GABRA1: variants seen among roughly 807,000 people sequenced by gnomAD.
GABRA1 encodes gamma-aminobutyric acid receptor subunit alpha-1.
GABRA1 carries 9 observed loss-of-function variants against 48.9 expected under a neutral mutation model. The ratio of observed to expected loss-of-function variants is 0.18; its 90% CI spans 0.11 to 0.32. GABRA1 has a LOEUF of 0.32. Ranked by LOEUF, GABRA1 falls within the 10% of genes least tolerant of loss-of-function variation. The pLI is 1.00. For missense variants in GABRA1, 285 were observed against 553.8 expected (o/e 0.51, Z 4.87); for synonymous variants, 210 against 198.7 (o/e 1.06, Z -0.48).
intron 6 of GABRA1, 71 bp from the exon 7 acceptor site, chr5:161,882,487 G>T: frequency 7.1e-7 from 1 of 1,404,916 alleles, no homozygotes; most frequent in African/African-American, 1.4e-5. Context: ...TGAAGCTGAT[G>T]AAAGGTACCA....
intron 6 of GABRA1, among the ~76,000 whole-genome samples, chr5:161,881,023 C>A (rs148557652): frequency 0.011 from 1,678 of 152,262 alleles, 17 homozygotes; most frequent in Non-Finnish European, 0.017. Context: ...CAGGTTGCTA[C>A]AAAGATGAAT....
At chr5:161,862,617 C>T (rs915142799) in intron 3 of GABRA1, among the ~76,000 whole-genome samples, 1 of 151,760 alleles carries the variant, frequency 6.6e-6, no homozygotes, top group Non-Finnish European at 1.5e-5. Context: ...ATATGTTTTT[C>T]CTAAAGTAAG....
intron 7 of GABRA1, among the ~76,000 whole-genome samples, chr5:161,890,578 CTCAG>C (rs1755045059): frequency 1.3e-5 from 2 of 152,012 alleles, no homozygotes; most frequent in South Asian, 4.1e-4. Flanking sequence ...ATATTGCCTT[CTCAG>C]TCAATTTAAG....
Position 161,898,367 on chromosome 5 carries a change from G to A in GABRA1, c.*945G>A, listed in dbSNP as rs1204151463. 1 of 152,498 alleles carries A rather than the reference G, an allele frequency of 6.6e-6. No individual in the cohort carries two copies. The highest frequency in any genetic ancestry group is 6.6e-5 in the Admixed American group (1 of 15,252). The allele number at this position is 152,498 out of a possible 1,614,324, so 9.4% of individuals were successfully genotyped here. A position where few individuals can be genotyped will look rare whatever the true frequency, so the allele number is the denominator to read the frequency against. ...ATTCTTTTATATAACTACATTAAAA[G>A]CTTTAGATTGAAATTTATGACTAGC... On this transcript the variant is annotated 3_prime_UTR_variant, in exon 10 of 10. Transcript: ENST00000393943.
At chr5:161,871,044 T>C (rs1395112743) in intron 4 of GABRA1, among the ~76,000 whole-genome samples, 1 of 151,064 alleles carries the variant, frequency 6.6e-6, no homozygotes, top group African/African-American at 2.4e-5. Flanking sequence ...ATTTGGGGAT[T>C]CCATTGTCTG....
chr5:161,870,309 C>T (rs113133111), intron 4 of GABRA1, among the ~76,000 whole-genome samples: 183 of 152,094 alleles, frequency 1.2e-3, no homozygotes, highest in Non-Finnish European at 1.9e-3. Flanking sequence ...CTCCTATAAT[C>T]CCAGCACTTT....
At chr5:161,851,378 A>T (rs190076813) in intron 2 of GABRA1, among the ~76,000 whole-genome samples, 1 of 152,262 alleles carries the variant, frequency 6.6e-6, no homozygotes. Flanking sequence ...ATTGTTATCT[A>T]TATAACTAAT....
chr5:161,887,737 G>A (rs1013990360), intron 7 of GABRA1, among the ~76,000 whole-genome samples: 2 of 152,066 alleles, frequency 1.3e-5, no homozygotes, highest in African/African-American at 2.4e-5. Context: ...ATGACCAAGT[G>A]GTTGATCTCT....
At chr5:161,893,822 TA>T (rs953420445) in intron 8 of GABRA1, among the ~76,000 whole-genome samples, 16 of 152,080 alleles carry the variant, frequency 1.1e-4, no homozygotes, top group South Asian at 4.1e-4. Flanking sequence ...ATTTAGCAAA[TA>T]AAAAAAATAT....
chr5:161,893,048 T>TAATAATAAAA lies in GABRA1; in HGVS notation c.856+2000_856+2001insTAATAAAAAA, dbSNP rs5872733. Among the ~76,000 whole-genome samples the TAATAATAAAA allele has an allele frequency of 5.6e-3, 797 of 141,988 alleles. 5 individuals carry two copies. Among genetic ancestry groups the TAATAATAAAA allele is most frequent in the Non-Finnish European group, 7.6e-3 (501 of 65,884 alleles). 93.1% of individuals were successfully genotyped at this position (141,988 alleles called of 152,430 possible). On this transcript the variant is annotated intron_variant, in intron 8 of 9. Coordinates refer to ENST00000393943, the MANE Select transcript of GABRA1 (RefSeq NM_001127644.2). ...ATAATAATAATAATAATAATAATAA[T>TAATAATAAAA]AAAATAAACACAGGACATATTTATG...
intron 6 of GABRA1, among the ~76,000 whole-genome samples, chr5:161,875,923 A>G (rs943319860): frequency 2.6e-5 from 4 of 152,324 alleles, no homozygotes; most frequent in Non-Finnish European, 5.9e-5. Context: ...GAAGTGAAGT[A>G]TGGATGCTTC....
upstream of GABRA1, chr5:161,847,514 G>A (rs1405274744): frequency 6.6e-6 from 1 of 152,196 alleles, no homozygotes; most frequent in African/African-American, 2.4e-5. Flanking sequence ...CTAAGCTACA[G>A]AAGAAGGTGG....
intron 4 of GABRA1, among the ~76,000 whole-genome samples, chr5:161,870,851 GA>G (rs370012839): frequency 6.6e-6 from 1 of 152,118 alleles, no homozygotes; most frequent in African/African-American, 2.4e-5. Context: ...TGGTTAGGCA[GA>G]AACTAATTTT....
intron 4 of GABRA1, among the ~76,000 whole-genome samples, chr5:161,869,733 G>C (rs997630772): frequency 6.6e-6 from 1 of 152,110 alleles, no homozygotes; most frequent in Non-Finnish European, 1.5e-5. Flanking sequence ...ATTCTCCAGG[G>C]ACCTACACTA....
At chr5:161,858,682 G>A (rs572668616) in intron 3 of GABRA1, among the ~76,000 whole-genome samples, 1 of 151,806 alleles carries the variant, frequency 6.6e-6, no homozygotes, top group Admixed American at 6.6e-5. Context: ...AAACAAATTA[G>A]GGCAGATACT....
rs543428415 is a variant in GABRA1, at chr5:161,898,607, T to C, written c.*1185T>C. On this transcript the variant is annotated 3_prime_UTR_variant, in exon 10 of 10. Coordinates refer to ENST00000393943, the MANE Select transcript of GABRA1 (RefSeq NM_001127644.2). ...ACATGGAACTTAAAACATATGGGTG[T>C]GAAGTCCACTTATGTAGACAAAACT... 20 of 152,400 alleles carry C rather than the reference T, an allele frequency of 1.3e-4. No homozygotes were observed. In the Middle Eastern group the frequency reaches 0.01, roughly 78 times the overall value. 9.4% of individuals were successfully genotyped at this position (152,400 alleles called of 1,614,324 possible).
At chr5:161,895,397 T>A (rs2113463198) in intron 8 of GABRA1, among the ~76,000 whole-genome samples, 1 of 152,202 alleles carries the variant, frequency 6.6e-6, no homozygotes, top group African/African-American at 2.4e-5. Context: ...AAGCGCCAAT[T>A]TAAAGGAGCT....
intron 2 of GABRA1, chr5:161,853,591 A>G (rs1270730507): frequency 6.6e-6 from 1 of 152,042 alleles, no homozygotes; most frequent in East Asian, 1.9e-4. Flanking sequence ...ATGAATCTTA[A>G]GAGGAATGGA....
chr5:161,881,598 G>A (rs1177937271), intron 6 of GABRA1: 1 of 152,138 alleles, frequency 6.6e-6, no homozygotes, highest in Non-Finnish European at 1.5e-5. Flanking sequence ...TAATGGACAT[G>A]CAGCAAAATT....
Sources: allele counts gnomAD v4.1 joint callset (sites outside exome capture counted in the v4.1 genomes callset), GRCh38; gene constraint gnomAD v4.1.1; transcripts MANE v1.5; gene names NCBI Gene and HGNC (gene_info 2026-07-23, HGNC 2026-07-21).